ERBB4: variants seen among roughly 807,000 people sequenced by gnomAD.
ERBB4 encodes the protein erb-b2 receptor tyrosine kinase 4.
In ERBB4, 42 loss-of-function variants were observed where a neutral mutation model predicts 158.0. That is an observed-to-expected ratio of 0.27 (90% CI 0.21 to 0.34). ERBB4 has a LOEUF of 0.34. Ranked by LOEUF, ERBB4 falls within the 10% of genes least tolerant of loss-of-function variation. The pLI is 1.00. For missense variants in ERBB4, 1,333 were observed against 1,624.1 expected (o/e 0.82, Z 3.08); for synonymous variants, 583 against 558.7 (o/e 1.04, Z -0.61).
intron 1 of ERBB4, among the ~76,000 whole-genome samples, chr2:212,422,747 C>A (rs1176922487): frequency 6.6e-6 from 1 of 152,132 alleles, no homozygotes; most frequent in Admixed American, 6.6e-5. Flanking sequence ...TTCATGAAAC[C>A]ATTTTTCTTG....
intron 1 of ERBB4, among the ~76,000 whole-genome samples, chr2:212,287,253 T>G (rs1203447570): frequency 6.6e-6 from 1 of 152,144 alleles, no homozygotes; most frequent in Admixed American, 6.6e-5. Flanking sequence ...TACAACTGTC[T>G]TGGTAAATTC....
At chr2:211,902,197 C>A (rs2125034879) in intron 3 of ERBB4, among the ~76,000 whole-genome samples, 1 of 152,082 alleles carries the variant, frequency 6.6e-6, no homozygotes, top group South Asian at 2.1e-4. Flanking sequence ...TCTGTGCCTC[C>A]ACAAAGACTA....
At chr2:212,456,423 A>G (rs1688291641) in intron 1 of ERBB4, among the ~76,000 whole-genome samples, 1 of 152,000 alleles carries the variant, frequency 6.6e-6, no homozygotes, top group South Asian at 2.1e-4. Context: ...AGATTAAGTG[A>G]CAAGTAGAAG....
chr2:211,909,194 C>T (rs1480042083), intron 3 of ERBB4, among the ~76,000 whole-genome samples: 1 of 151,660 alleles, frequency 6.6e-6, no homozygotes, highest in African/African-American at 2.4e-5. Flanking sequence ...TCAAAGCATA[C>T]CTTTTCCAGC....
At chr2:212,340,543 C>T (rs1304459675) in intron 1 of ERBB4, among the ~76,000 whole-genome samples, 1 of 152,166 alleles carries the variant, frequency 6.6e-6, no homozygotes, top group Non-Finnish European at 1.5e-5. Context: ...ATTAGATTCT[C>T]GTAAGGAGCA....
chr2:211,615,605 CCTT>C (rs1236618114), intron 19 of ERBB4, among the ~76,000 whole-genome samples: 3 of 152,066 alleles, frequency 2.0e-5, no homozygotes, highest in East Asian at 1.9e-4. Flanking sequence ...ACCAAACTCT[CCTT>C]CTCTTGCTTT....
chr2:211,415,570 A>C (rs989668516), intron 25 of ERBB4, among the ~76,000 whole-genome samples: 3 of 152,156 alleles, frequency 2.0e-5, no homozygotes, highest in Non-Finnish European at 4.4e-5. Flanking sequence ...CTTTTTATGC[A>C]GGAGTTGGGG....
At chr2:211,880,672 T>A (rs890487846) in intron 3 of ERBB4, among the ~76,000 whole-genome samples, 3 of 152,132 alleles carry the variant, frequency 2.0e-5, no homozygotes, top group Non-Finnish European at 2.9e-5. Flanking sequence ...ACAGCCTGTA[T>A]CAGAGCAACA....
At chr2:211,521,032 T>A (rs955991994) in intron 20 of ERBB4, among the ~76,000 whole-genome samples, 1 of 152,114 alleles carries the variant, frequency 6.6e-6, no homozygotes, top group Non-Finnish European at 1.5e-5. Context: ...CATACAGAAA[T>A]GTTAAAATTA....
At chr2:212,476,205 CTTTTT>C (rs1431227276) in intron 1 of ERBB4, among the ~76,000 whole-genome samples, 3 of 151,624 alleles carry the variant, frequency 2.0e-5, no homozygotes, top group Non-Finnish European at 4.4e-5. Flanking sequence ...TGCATTTTCT[CTTTTT>C]AACATTTAGC....
chr2:212,538,477 C>A lies in ERBB4; in HGVS notation c.54G>T (p.Gly18=), dbSNP rs202041647. 3 of 1,614,042 alleles carry A rather than the reference C, an allele frequency of 1.9e-6. No homozygotes were observed. Among genetic ancestry groups the A allele is most frequent in the Admixed American group, 1.7e-5 (1 of 60,016 alleles). The change falls in exon 1 of 28, where the codon GGG becomes GGT. Residue 18 remains glycine, a synonymous_variant. Coordinates refer to ENST00000342788, the MANE Select transcript of ERBB4 (RefSeq NM_005235.3). ...ACTGAGAATCGCTGGGCTGGACGGT[C>A]CCCGCCGCCACGAGAAGGCTCACCC... is the stretch of plus-strand genomic sequence containing the variant. The part of the protein sequence containing the change: ...WVWVSLLVAA[G]TVQPSDSQSV...
At chr2:211,530,749 G>A (rs1424314542) in intron 20 of ERBB4, among the ~76,000 whole-genome samples, 1 of 152,016 alleles carries the variant, frequency 6.6e-6, no homozygotes, top group Non-Finnish European at 1.5e-5. Flanking sequence ...AATTGGCCAG[G>A]CCTGGTGGTG....
Position 212,006,760 on chromosome 2 carries a change from T to G in ERBB4, c.235-59144A>C, listed in dbSNP as rs146219619. Reference sequence around the variant, plus strand: ...CAAAGCAGATACTATCACTATCTTGTGACAATAGTCTTCTAGGCTTACGTA... The same window carrying G: ...CAAAGCAGATACTATCACTATCTTGGGACAATAGTCTTCTAGGCTTACGTA... On this transcript the variant is annotated intron_variant, in intron 2 of 27. Transcript: ENST00000342788. Among the ~76,000 whole-genome samples, 1,119 of 152,154 alleles carry G rather than the reference T, an allele frequency of 7.4e-3. 12 individuals are homozygous for G. The highest frequency in any genetic ancestry group is 0.026 in the African/African-American group (1,069 of 41,562).
intron 3 of ERBB4, among the ~76,000 whole-genome samples, chr2:211,907,368 G>A (rs1046277958): frequency 1.7e-4 from 25 of 150,590 alleles, no homozygotes; most frequent in African/African-American, 5.4e-4. Flanking sequence ...ACCTTTATGG[G>A]TCCACTCCAC....
chr2:212,104,588 T>G (rs1017514127), intron 2 of ERBB4, among the ~76,000 whole-genome samples: 1 of 152,084 alleles, frequency 6.6e-6, no homozygotes, highest in Non-Finnish European at 1.5e-5. Context: ...CATTTTACAG[T>G]AAAGAAACTG....
chr2:211,861,149 TATATA>T (rs2078034553), intron 3 of ERBB4, among the ~76,000 whole-genome samples: 1 of 69,428 alleles, frequency 1.4e-5, no homozygotes, highest in Non-Finnish European at 2.8e-5. Flanking sequence ...TATATATATA[TATATA>T]TTAAAAAAAA....
intron 17 of ERBB4, among the ~76,000 whole-genome samples, chr2:211,624,441 C>T (rs898492522): frequency 1.3e-5 from 2 of 152,142 alleles, no homozygotes; most frequent in Admixed American, 6.6e-5. Flanking sequence ...AACCCTAGGA[C>T]AGGGCTGTTA....
intron 20 of ERBB4, among the ~76,000 whole-genome samples, chr2:211,457,901 G>A (rs2064423579): frequency 6.6e-6 from 1 of 152,162 alleles, no homozygotes; most frequent in African/African-American, 2.4e-5. Context: ...GGTCCACTGT[G>A]GGTATCACGT....
At chr2:211,623,211 G>C (rs547064172) in intron 18 of ERBB4, among the ~76,000 whole-genome samples, 1 of 151,072 alleles carries the variant, frequency 6.6e-6, no homozygotes, top group East Asian at 2.0e-4. Flanking sequence ...AGGCAAATAA[G>C]TAAACATACA....
Sources: gnomAD v4.1 joint callset for allele counts (sites outside exome capture counted in the v4.1 genomes callset) on GRCh38, gnomAD v4.1.1 for gene constraint, MANE v1.5 for transcripts, NCBI Gene and HGNC (gene_info 2026-07-23, HGNC 2026-07-21) for gene names.